Variants in SLC9A9 observed in about 807,000 individuals in gnomAD.
The protein encoded by SLC9A9 is solute carrier family 9 member A9.
A neutral mutation model predicts 77.8 loss-of-function variants in SLC9A9; 62 were observed. The ratio of observed to expected loss-of-function variants is 0.80; its 90% CI spans 0.65 to 0.98. The LOEUF (loss-of-function observed/expected upper bound fraction) is 0.98. Among genes scored for constraint, SLC9A9 ranks in the 50% least tolerant of loss-of-function variants. SLC9A9 has a pLI of 0.00. For missense variants in SLC9A9, 775 were observed against 774.9 expected (o/e 1.00, Z 0.00); for synonymous variants, 320 against 283.5 (o/e 1.13, Z -1.29).
At chr3:143,342,917 T>C (rs1440150680) in intron 14 of SLC9A9, among the ~76,000 whole-genome samples, 1 of 152,190 alleles carries the variant, frequency 6.6e-6, no homozygotes, top group Non-Finnish European at 1.5e-5. Flanking sequence ...TATCTATATG[T>C]GAACAAATTG....
intron 6 of SLC9A9, among the ~76,000 whole-genome samples, chr3:143,604,996 A>G (rs2037898569): frequency 6.6e-6 from 1 of 152,162 alleles, no homozygotes; most frequent in Admixed American, 6.5e-5. Flanking sequence ...AAGCGTCACA[A>G]AGGGACAAAT....
intron 11 of SLC9A9, among the ~76,000 whole-genome samples, chr3:143,471,877 T>A (rs569210173): frequency 6.6e-6 from 1 of 152,336 alleles, no homozygotes; most frequent in South Asian, 2.1e-4. Context: ...ATGTTAATTA[T>A]GTTGATGTTC....
chr3:143,337,945 T>G lies in SLC9A9; in HGVS notation c.1604+25539A>C, dbSNP rs12493355. On this transcript the variant is annotated intron_variant, in intron 14 of 15. Coordinates refer to ENST00000316549, the MANE Select transcript of SLC9A9 (RefSeq NM_173653.4). Reference sequence around the variant, plus strand: ...GTGGAGAGTAACATGCTTTTAGCTATTCTGTCCTTGAGGAAAAAGGTAAAA... The same window carrying G: ...GTGGAGAGTAACATGCTTTTAGCTAGTCTGTCCTTGAGGAAAAAGGTAAAA... Among the ~76,000 whole-genome samples, 171 of 152,170 alleles carry G rather than the reference T, an allele frequency of 1.1e-3. 1 individual carries two copies. Among genetic ancestry groups the G allele is most frequent in the African/African-American group, 3.9e-3 (160 of 41,500 alleles).
chr3:143,746,753 T>C (rs1935206818), intron 4 of SLC9A9, among the ~76,000 whole-genome samples: 1 of 152,184 alleles, frequency 6.6e-6, no homozygotes, highest in Admixed American at 6.5e-5. Flanking sequence ...ACAGCATTGA[T>C]TAATATAAAC....
At chr3:143,303,921 CAG>C (rs1254103882) in intron 14 of SLC9A9, among the ~76,000 whole-genome samples, 3 of 152,342 alleles carry the variant, frequency 2.0e-5, no homozygotes, top group Admixed American at 2.0e-4. Context: ...CATTTCTTAA[CAG>C]AGGAACTTTA....
intron 1 of SLC9A9, among the ~76,000 whole-genome samples, chr3:143,840,660 G>T (rs1038367028): frequency 6.6e-6 from 1 of 152,158 alleles, no homozygotes; most frequent in East Asian, 1.9e-4. Flanking sequence ...GCTATAGACA[G>T]TGGAACATTT....
At chr3:143,462,368 C>G (rs1437997615) in intron 12 of SLC9A9, among the ~76,000 whole-genome samples, 2 of 151,018 alleles carry the variant, frequency 1.3e-5, no homozygotes, top group African/African-American at 4.9e-5. Context: ...GCAAGACACT[C>G]TCAAAAAAAA....
intron 4 of SLC9A9, among the ~76,000 whole-genome samples, chr3:143,709,533 A>G (rs1170441362): frequency 2.6e-5 from 4 of 152,138 alleles, no homozygotes; most frequent in Non-Finnish European, 5.9e-5. Context: ...AAAATAGCTC[A>G]GCCATTAGTG....
chr3:143,846,225 G>T (rs2009827577), intron 1 of SLC9A9, among the ~76,000 whole-genome samples: 1 of 152,300 alleles, frequency 6.6e-6, no homozygotes, highest in African/African-American at 2.4e-5. Context: ...ATGAGTCATA[G>T]TTCAATCAAA....
intron 14 of SLC9A9, among the ~76,000 whole-genome samples, chr3:143,280,045 T>C (rs1938170252): frequency 6.6e-6 from 1 of 152,138 alleles, no homozygotes; most frequent in Non-Finnish European, 1.5e-5. Flanking sequence ...GGTCTCGAAC[T>C]CCTGTGCTCA....
intron 14 of SLC9A9, among the ~76,000 whole-genome samples, chr3:143,301,505 A>G (rs1276626855): frequency 6.6e-6 from 1 of 152,310 alleles, no homozygotes; most frequent in Admixed American, 6.5e-5. Context: ...GGTGGAGGTC[A>G]TGCAGACAAA....
chr3:143,759,022 T>A (rs1474389047), intron 4 of SLC9A9, among the ~76,000 whole-genome samples: 1 of 152,156 alleles, frequency 6.6e-6, no homozygotes, highest in Non-Finnish European at 1.5e-5. Flanking sequence ...GATTTGTTGT[T>A]TTCATCTTCT....
At chr3:143,516,334 C>A (rs2036202753) in intron 9 of SLC9A9, among the ~76,000 whole-genome samples, 1 of 151,898 alleles carries the variant, frequency 6.6e-6, no homozygotes, top group Admixed American at 6.6e-5. Flanking sequence ...GTTTTCTTAT[C>A]TATTTCTTTT....
At chr3:143,779,835 C>T (rs558781114) in intron 4 of SLC9A9, among the ~76,000 whole-genome samples, 14 of 152,316 alleles carry the variant, frequency 9.2e-5, no homozygotes, top group South Asian at 2.1e-4. Flanking sequence ...TTAGAGTAGA[C>T]GTCCTATGTA....
chr3:143,727,834 C>A (rs1313892458), intron 4 of SLC9A9, among the ~76,000 whole-genome samples: 2 of 152,350 alleles, frequency 1.3e-5, no homozygotes, highest in Admixed American at 6.5e-5. Context: ...GCTACTACTG[C>A]ATTATTTGTC....
chr3:143,564,168 CTTCTAATAT>C (rs1559969696), intron 8 of SLC9A9, among the ~76,000 whole-genome samples: 1 of 152,186 alleles, frequency 6.6e-6, no homozygotes, highest in East Asian at 1.9e-4. Flanking sequence ...GGTCCGTTGT[CTTCTAATAT>C]TTAAATTTTC....
chr3:143,729,432 C>T (rs900453109), intron 4 of SLC9A9, among the ~76,000 whole-genome samples: 1 of 152,182 alleles, frequency 6.6e-6, no homozygotes, highest in African/African-American at 2.4e-5. Context: ...GGTATGCCAG[C>T]ACAGATCAGG....
rs372058620 is a variant in SLC9A9, at chr3:143,266,738, C to G, written c.1902G>C (p.Lys634Asn). 6 of 1,614,070 alleles carry G rather than the reference C, an allele frequency of 3.7e-6. No individual in the cohort carries two copies. The African/African-American group carries it at 4.0e-5, about 11-fold the overall frequency. ...GDLGLGGYELKLEQTLGQSQL... is the reference protein window; with the variant it reads ...GDLGLGGYELNLEQTLGQSQL... ...GGGATTGACCCAAAGTTTGCTCAAG[C>G]TTGAGTTCATAGCCTCCCAGGCCGA... The change falls in exon 16 of 16, where the codon AAG becomes AAC. Residue 634 changes from lysine (K) to asparagine (N), a missense_variant. Lys to Asn is a moderately conservative substitution (Grantham distance 94). Coordinates refer to ENST00000316549, the MANE Select transcript of SLC9A9 (RefSeq NM_173653.4).
At chr3:143,793,837 A>G (rs2008292523) in intron 4 of SLC9A9, among the ~76,000 whole-genome samples, 1 of 152,168 alleles carries the variant, frequency 6.6e-6, no homozygotes, top group African/African-American at 2.4e-5. Context: ...ACAGAACAGA[A>G]AAGCCCTCCT....
Sources: allele counts gnomAD v4.1 joint callset (sites outside exome capture counted in the v4.1 genomes callset), GRCh38; gene constraint gnomAD v4.1.1; transcripts MANE v1.5; gene names NCBI Gene and HGNC (gene_info 2026-07-23, HGNC 2026-07-21).